WWOX: variants seen among roughly 807,000 people sequenced by gnomAD.
The protein encoded by WWOX is WW domain-containing oxidoreductase.
Under a neutral mutation model 46.2 loss-of-function variants are expected in WWOX, and 69 were observed. The ratio of observed to expected loss-of-function variants is 1.49; its 90% CI spans 1.23 to 1.82. The LOEUF is 1.82. WWOX is among the 40% of genes most tolerant of loss of function. WWOX has a pLI of 0.00. For missense variants in WWOX, 919 were observed against 542.6 expected (o/e 1.69, Z -6.89); for synonymous variants, 359 against 202.6 (o/e 1.77, Z -6.56).
chr16:78,999,245 C>T (rs569524312), intron 8 of WWOX, among the ~76,000 whole-genome samples: 25 of 151,676 alleles, frequency 1.6e-4, no homozygotes, highest in African/African-American at 2.9e-4. Context: ...CCAATGCAGG[C>T]GGATCATCTG....
chr16:78,371,096 A>T (rs2081672389), intron 5 of WWOX, among the ~76,000 whole-genome samples: 1 of 150,734 alleles, frequency 6.6e-6, no homozygotes, highest in Admixed American at 6.7e-5. Flanking sequence ...TCGTTATTAG[A>T]GTGTGTAACA....
chr16:79,180,162 A>G (rs973564345), intron 8 of WWOX, among the ~76,000 whole-genome samples: 1 of 152,208 alleles, frequency 6.6e-6, no homozygotes, highest in African/African-American at 2.4e-5. Context: ...CGGGTACATC[A>G]AAACGACGCT....
chr16:78,736,966 C>A (rs897319640), intron 8 of WWOX, among the ~76,000 whole-genome samples: 1 of 152,016 alleles, frequency 6.6e-6, no homozygotes, highest in Admixed American at 6.6e-5. Context: ...CACAGAAGCC[C>A]ATAAAAAACA....
intron 8 of WWOX, among the ~76,000 whole-genome samples, chr16:79,151,234 A>G (rs528834009): frequency 6.6e-6 from 1 of 152,304 alleles, no homozygotes; most frequent in South Asian, 2.1e-4. Context: ...GAAATCTGGA[A>G]CATTCTTTCC....
At chr16:78,999,861 A>G (rs889995352) in intron 8 of WWOX, among the ~76,000 whole-genome samples, 1 of 152,182 alleles carries the variant, frequency 6.6e-6, no homozygotes, top group African/African-American at 2.4e-5. Flanking sequence ...GAAATACATA[A>G]AACTTTATAA....
intron 8 of WWOX, among the ~76,000 whole-genome samples, chr16:78,843,052 C>T (rs566058067): frequency 6.7e-6 from 1 of 149,874 alleles, no homozygotes; most frequent in Non-Finnish European, 1.5e-5. Flanking sequence ...AAACATTGCA[C>T]TAATGTTTGG....
chr16:78,827,098 C>T (rs115857680), intron 8 of WWOX, among the ~76,000 whole-genome samples: 1 of 152,156 alleles, frequency 6.6e-6, no homozygotes, highest in African/African-American at 2.4e-5. Context: ...CAAACCTGCT[C>T]TCCTCTCCAG....
chr16:78,121,371 A>G (rs1357932005), intron 4 of WWOX, among the ~76,000 whole-genome samples: 1 of 152,238 alleles, frequency 6.6e-6, no homozygotes, highest in Non-Finnish European at 1.5e-5. Flanking sequence ...ACAGTGTTAG[A>G]CAAAGTCCTT....
intron 8 of WWOX, among the ~76,000 whole-genome samples, chr16:78,492,900 A>T (rs1022069957): frequency 3.3e-5 from 5 of 152,128 alleles, no homozygotes; most frequent in Non-Finnish European, 7.4e-5. Flanking sequence ...ATGCACTCCC[A>T]AAGTCCTTTA....
intron 8 of WWOX, among the ~76,000 whole-genome samples, chr16:79,036,734 G>A (rs766795751): frequency 3.9e-5 from 6 of 152,190 alleles, no homozygotes; most frequent in Admixed American, 1.3e-4. Context: ...TGCAGTGAGC[G>A]AAGGATTGGG....
intron 8 of WWOX, chr16:78,872,665 G>C (rs1334194920): frequency 6.6e-6 from 1 of 152,122 alleles, no homozygotes; most frequent in Non-Finnish European, 1.5e-5. Context: ...CTTGCAGCCA[G>C]TGCTCAAAAC....
At chr16:78,594,490 C>G (rs1026451361) in intron 8 of WWOX, among the ~76,000 whole-genome samples, 1 of 140,080 alleles carries the variant, frequency 7.1e-6, no homozygotes, top group Non-Finnish European at 1.5e-5. Flanking sequence ...CCAGCTGGCA[C>G]ACAGCTTCCT....
At chr16:79,073,106 A>G (rs1158578527) in intron 8 of WWOX, among the ~76,000 whole-genome samples, 1 of 151,706 alleles carries the variant, frequency 6.6e-6, no homozygotes, top group South Asian at 2.1e-4. Flanking sequence ...ATTATGGTAC[A>G]TAAAAGAGCT....
At chr16:78,103,271 ATTTAAC>A (rs912938131) in intron 1 of WWOX, among the ~76,000 whole-genome samples, 9 of 141,812 alleles carry the variant, frequency 6.3e-5, no homozygotes, top group Admixed American at 2.1e-4. Flanking sequence ...TTTTAATTTA[ATTTAAC>A]TTTAAATTCC....
chr16:79,208,752 G>C (rs973507237), intron 8 of WWOX, among the ~76,000 whole-genome samples: 1 of 152,100 alleles, frequency 6.6e-6, no homozygotes, highest in Non-Finnish European at 1.5e-5. Context: ...CGAAAAGCTG[G>C]TGAGCCAAAA....
intron 8 of WWOX, among the ~76,000 whole-genome samples, chr16:78,532,943 C>G (rs1044802893): frequency 6.6e-6 from 1 of 152,144 alleles, no homozygotes; most frequent in Non-Finnish European, 1.5e-5. Flanking sequence ...ACCAAGGGAC[C>G]AAGGCCTGAT....
At chr16:78,390,294 G>A (rs771306082) in intron 6 of WWOX, among the ~76,000 whole-genome samples, 13 of 152,320 alleles carry the variant, frequency 8.5e-5, no homozygotes, top group Middle Eastern at 3.4e-3. Flanking sequence ...CATCTTCCAC[G>A]TCTTAACTGG....
At chr16:78,234,449 TAAA>T (rs1361711400) in intron 5 of WWOX, among the ~76,000 whole-genome samples, 9 of 152,166 alleles carry the variant, frequency 5.9e-5, no homozygotes, top group Non-Finnish European at 1.3e-4. Context: ...TACCGCTGGC[TAAA>T]GTGGCCATGT....
intron 8 of WWOX, among the ~76,000 whole-genome samples, chr16:79,113,942 C>A (rs1277262144): frequency 6.6e-6 from 1 of 152,192 alleles, no homozygotes; most frequent in Non-Finnish European, 1.5e-5. Flanking sequence ...AGTCCTAAGG[C>A]CCAGCCACAA....
Sources: gnomAD v4.1 joint callset for allele counts (sites outside exome capture counted in the v4.1 genomes callset) on GRCh38, gnomAD v4.1.1 for gene constraint, MANE v1.5 for transcripts, NCBI Gene and HGNC (gene_info 2026-07-23, HGNC 2026-07-21) for gene names.